Variants in MAD1L1 observed in about 807,000 individuals in gnomAD.
The protein encoded by MAD1L1 is mitotic spindle assembly checkpoint protein MAD1.
MAD1L1 carries 95 observed loss-of-function variants against 96.9 expected under a neutral mutation model. The observed-to-expected ratio is 0.98, with a 90% CI of 0.83 to 1.16. The LOEUF (loss-of-function observed/expected upper bound fraction) is 1.16. MAD1L1 is among the 50% of genes most tolerant of loss of function. The probability of loss-of-function intolerance (pLI) is 0.00; values close to 1 mark genes in which losing one functional copy is unlikely to be tolerated. For missense variants in MAD1L1, 1,007 were observed against 954.4 expected, an observed-to-expected ratio of 1.06 and a Z score of -0.73; for synonymous variants, 473 against 396.6, an observed-to-expected ratio of 1.19 and a Z score of -2.29.
At chr7:2,139,736 C>CA (rs1788933073) in intron 11 of MAD1L1, among the ~76,000 whole-genome samples, 1 of 152,240 alleles carries the variant, frequency 6.6e-6, no homozygotes, top group Non-Finnish European at 1.5e-5. Flanking sequence ...ATGGCTCCAG[C>CA]AGGGGCCAGT....
intron 18 of MAD1L1, among the ~76,000 whole-genome samples, chr7:1,887,848 C>T (rs28970524): frequency 0.5 from 42,408 of 84,826 alleles, 7,598 homozygotes; most frequent in Admixed American, 0.58. Context: ...GCGTCCTGTG[C>T]GTGTGTGTGT....
intron 10 of MAD1L1, among the ~76,000 whole-genome samples, chr7:2,212,624 C>G (rs1172671660): frequency 6.6e-6 from 1 of 152,160 alleles, no homozygotes; most frequent in Non-Finnish European, 1.5e-5. Flanking sequence ...TTGCGGCGTG[C>G]CTGTTCCCCC....
intron 11 of MAD1L1, among the ~76,000 whole-genome samples, chr7:2,137,053 G>A (rs1353036772): frequency 6.6e-6 from 1 of 152,174 alleles, no homozygotes; most frequent in Non-Finnish European, 1.5e-5. Context: ...AGCAGCTCCT[G>A]GCAGCCCTGA....
rs748878372 is a variant in MAD1L1, at chr7:1,936,667, C to T, written c.1807+20G>A. Reference sequence around the variant, plus strand: ...ACGGAAGGTCGAGGATGGCAGGGACCGGGGGTGGGGGGTGCCTACCTGCCA... The same window carrying T: ...ACGGAAGGTCGAGGATGGCAGGGACTGGGGGTGGGGGGTGCCTACCTGCCA... On this transcript the variant is annotated intron_variant, in intron 17 of 18. Coordinates refer to ENST00000265854, the MANE Select transcript of MAD1L1 (RefSeq NM_001013836.2). The T allele has an allele frequency of 1.5e-5, 23 of 1,543,920 alleles. No individual in the cohort carries two copies. Among genetic ancestry groups the T allele is most frequent in the South Asian group, 2.4e-5 (2 of 83,824 alleles).
chr7:2,139,060 C>T (rs929372949), intron 11 of MAD1L1, among the ~76,000 whole-genome samples: 2 of 152,144 alleles, frequency 1.3e-5, no homozygotes, highest in African/African-American at 2.4e-5. Context: ...GCAGACGCCC[C>T]GGTACCGAGG....
intron 10 of MAD1L1, among the ~76,000 whole-genome samples, chr7:2,190,180 G>A (rs924355571): frequency 1.3e-5 from 2 of 152,152 alleles, no homozygotes; most frequent in South Asian, 2.1e-4. Flanking sequence ...CAGTAATTAC[G>A]ACCTTACCAT....
At chr7:2,016,249 C>A (rs1172262446) in intron 12 of MAD1L1, among the ~76,000 whole-genome samples, 3 of 152,182 alleles carry the variant, frequency 2.0e-5, no homozygotes, top group African/African-American at 4.8e-5. Context: ...GCCAATGCTC[C>A]GGCACAGCCC....
At chr7:2,128,829 C>A (rs1265902822) in intron 11 of MAD1L1, among the ~76,000 whole-genome samples, 1 of 152,336 alleles carries the variant, frequency 6.6e-6, no homozygotes, top group East Asian at 1.9e-4. Flanking sequence ...CACGCCTCCC[C>A]AGGAGCACAA....
intron 12 of MAD1L1, among the ~76,000 whole-genome samples, chr7:2,050,493 C>T (rs1784121912): frequency 1.3e-5 from 2 of 152,196 alleles, no homozygotes; most frequent in South Asian, 2.1e-4. Context: ...CTGGCAGCTC[C>T]GTTGAAGCAC....
chr7:1,994,687 C>T (rs1180009301), intron 14 of MAD1L1, among the ~76,000 whole-genome samples: 2 of 151,998 alleles, frequency 1.3e-5, no homozygotes, highest in African/African-American at 4.8e-5. Context: ...ATAAAAGGGA[C>T]CCCAGAGCTC....
At chr7:2,084,569 G>A (rs779776775) in intron 11 of MAD1L1, among the ~76,000 whole-genome samples, 10 of 152,254 alleles carry the variant, frequency 6.6e-5, no homozygotes, top group Non-Finnish European at 1.2e-4. Context: ...AGCTCAGTGC[G>A]GAGTCCTAGC....
At chr7:1,972,320 C>T (rs1371912624) in intron 15 of MAD1L1, among the ~76,000 whole-genome samples, 1 of 152,184 alleles carries the variant, frequency 6.6e-6, no homozygotes, top group African/African-American at 2.4e-5. Context: ...TCTAGGGAAA[C>T]CATTTGGGCC....
At position 2,014,499 on chromosome 7, in the gene MAD1L1, C is replaced by G. The variant is rs768694131; in HGVS notation, c.1359+3G>C. On this transcript the variant is annotated splice_donor_region_variant and intron_variant, in intron 13 of 18. Transcript: ENST00000265854. ...CGTGAGCCCCACGCCCGCGGCCCCT[C>G]ACCTCCATCTCGGCGCTGTGGCTGT... The G allele has an allele frequency of 1.6e-5, 25 of 1,577,832 alleles. No homozygotes were observed. Among genetic ancestry groups the G allele is most frequent in the Non-Finnish European group, 2.1e-5 (24 of 1,163,544 alleles).
intron 17 of MAD1L1, among the ~76,000 whole-genome samples, chr7:1,924,276 G>A (rs1350911187): frequency 1.3e-5 from 2 of 152,216 alleles, no homozygotes; most frequent in African/African-American, 2.4e-5. Context: ...GCGGCAGGGT[G>A]GCAGGCATTA....
chr7:2,081,696 T>C (rs951018113), intron 11 of MAD1L1, among the ~76,000 whole-genome samples: 1 of 152,182 alleles, frequency 6.6e-6, no homozygotes, highest in African/African-American at 2.4e-5. Context: ...CCAGCCCCCG[T>C]GGTCGGCGGA....
At chr7:2,008,700 A>G (rs2008263) in intron 13 of MAD1L1, among the ~76,000 whole-genome samples, 55,846 of 151,442 alleles carry the variant, frequency 0.37, 10,741 homozygotes, top group East Asian at 0.6. Flanking sequence ...GTGCAGACAC[A>G]CAGGAAGCTC....
At position 1,957,489 on chromosome 7, in the gene MAD1L1, T is replaced by C. The variant is rs1219206040; in HGVS notation, c.1596+140A>G. 4 of 815,014 alleles carry C rather than the reference T, an allele frequency of 4.9e-6. No homozygotes were observed. The South Asian group carries it at 6.8e-5, about 14-fold the overall frequency. The allele number at this position is 815,014 out of a possible 1,614,324, so 50.5% of individuals were successfully genotyped here. A position where few individuals can be genotyped will look rare whatever the true frequency, so the allele number is the denominator to read the frequency against. On this transcript the variant is annotated intron_variant, in intron 16 of 18. Transcript: ENST00000265854. Reference sequence around the variant, plus strand: ...ATGGCCTCCCTGCCAGGCAAGGGGGTGCACATGGGAGGGAGGAGAGTTCAG... The same window carrying C: ...ATGGCCTCCCTGCCAGGCAAGGGGGCGCACATGGGAGGGAGGAGAGTTCAG...
intron 10 of MAD1L1, among the ~76,000 whole-genome samples, chr7:2,162,708 C>CAAAAA (rs200992128): frequency 2.1e-5 from 2 of 96,530 alleles, no homozygotes; most frequent in African/African-American, 7.0e-5. Flanking sequence ...CCACCACTCA[C>CAAAAA]AAAAAAAAAA....
At chr7:2,174,079 G>GA (rs2128596723) in intron 10 of MAD1L1, among the ~76,000 whole-genome samples, 1 of 152,282 alleles carries the variant, frequency 6.6e-6, no homozygotes, top group South Asian at 2.1e-4. Flanking sequence ...CTCAGCCACT[G>GA]AAAGTGCTGG....
Sources: allele counts gnomAD v4.1 joint callset (sites outside exome capture counted in the v4.1 genomes callset), GRCh38; gene constraint gnomAD v4.1.1; transcripts MANE v1.5; gene names NCBI Gene and HGNC (gene_info 2026-07-23, HGNC 2026-07-21).